Variants in PBX1 observed in about 807,000 individuals in gnomAD.
PBX1 encodes pre-B-cell leukemia transcription factor 1.
PBX1 carries 6 observed loss-of-function variants against 53.4 expected under a neutral mutation model. The ratio of observed to expected loss-of-function variants is 0.11; its 90% CI spans 0.06 to 0.22. The LOEUF is 0.22. PBX1 is among the 10% of genes least tolerant of loss of function. PBX1 has a pLI of 1.00. For synonymous variants in PBX1, 204 were observed against 212.3 expected (o/e 0.96, Z 0.34); for missense variants, 251 against 551.4 (o/e 0.46, Z 5.46).
intron 2 of PBX1, chr1:164,674,854 C>CCCA (rs1661334990): frequency 1.2e-5 from 1 of 83,168 alleles, no homozygotes; most frequent in African/African-American, 3.8e-5. Context: ...ACAGCCCCCC[C>CCCA]CCCCCCCCAC....
intron 2 of PBX1, among the ~76,000 whole-genome samples, chr1:164,786,365 C>G (rs1668174071): frequency 6.6e-6 from 1 of 152,082 alleles, no homozygotes; most frequent in South Asian, 2.1e-4. Context: ...CAGTACGTGC[C>G]CTGGTGCCTC....
chr1:164,852,540 T>C (rs748947064), downstream of PBX1, among the ~76,000 whole-genome samples: 253 of 152,312 alleles, frequency 1.7e-3, 3 homozygotes, highest in Non-Finnish European at 2.7e-3. Flanking sequence ...GGGATGGAAC[T>C]CCTTGTCTGC....
At chr1:164,776,321 G>C (rs2102261895) in intron 2 of PBX1, among the ~76,000 whole-genome samples, 1 of 152,246 alleles carries the variant, frequency 6.6e-6, no homozygotes, top group East Asian at 1.9e-4. Context: ...GGTGTAAAGG[G>C]CATGGCCAGC....
At chr1:164,648,597 A>G (rs1659603033) in intron 2 of PBX1, among the ~76,000 whole-genome samples, 1 of 152,220 alleles carries the variant, frequency 6.6e-6, no homozygotes, top group South Asian at 2.1e-4. Flanking sequence ...CAAAACCTGT[A>G]AATAGTAGAG....
chr1:164,569,616 G>A (rs1653697543), intron 2 of PBX1, among the ~76,000 whole-genome samples: 1 of 121,586 alleles, frequency 8.2e-6, no homozygotes, highest in African/African-American at 3.2e-5. Context: ...CTATCTCCCA[G>A]GTTGGAGTGC....
chr1:164,785,641 C>T (rs1225994505), intron 2 of PBX1, among the ~76,000 whole-genome samples: 2 of 152,218 alleles, frequency 1.3e-5, no homozygotes, highest in Non-Finnish European at 2.9e-5. Flanking sequence ...AAACCATGGG[C>T]TTCTTGAAGT....
At chr1:164,704,371 G>C (rs1308007450) in intron 2 of PBX1, among the ~76,000 whole-genome samples, 1 of 152,186 alleles carries the variant, frequency 6.6e-6, no homozygotes, top group Non-Finnish European at 1.5e-5. Flanking sequence ...TACTGTCTGT[G>C]TTATTGCTCT....
At chr1:164,590,324 T>G in intron 2 of PBX1, 1 of 455,820 alleles carries the variant, frequency 2.2e-6, no homozygotes, top group South Asian at 1.5e-5. Flanking sequence ...CCAGCCTCAT[T>G]AGGAGCTACC....
At chr1:164,652,708 C>G (rs529368813) in intron 2 of PBX1, among the ~76,000 whole-genome samples, 117 of 152,140 alleles carry the variant, frequency 7.7e-4, no homozygotes, top group Admixed American at 2.1e-3. Flanking sequence ...AATTTATATA[C>G]AGCAAAATAG....
At chr1:164,618,278 C>G (rs1333614147) in intron 2 of PBX1, among the ~76,000 whole-genome samples, 3 of 125,796 alleles carry the variant, frequency 2.4e-5, no homozygotes, top group Non-Finnish European at 4.9e-5. Context: ...TTGACTTACC[C>G]CAGGGAGAAT....
chr1:164,604,815 TA>T (rs1211216953), intron 2 of PBX1, among the ~76,000 whole-genome samples: 2 of 152,170 alleles, frequency 1.3e-5, no homozygotes, highest in African/African-American at 4.8e-5. Flanking sequence ...TATCAGTGAC[TA>T]TTTTTTTTTT....
At chr1:164,758,495 T>G (rs1404018993) in intron 2 of PBX1, among the ~76,000 whole-genome samples, 2 of 152,104 alleles carry the variant, frequency 1.3e-5, no homozygotes, top group South Asian at 4.1e-4. Flanking sequence ...CGAGCATCCC[T>G]GCCTAATGGT....
At chr1:164,693,149 G>T (rs1402697839) in intron 2 of PBX1, among the ~76,000 whole-genome samples, 1 of 149,834 alleles carries the variant, frequency 6.7e-6, no homozygotes, top group Non-Finnish European at 1.5e-5. Flanking sequence ...TAACACAGCA[G>T]ATTTAAACTA....
At position 164,650,440 on chromosome 1, in the gene PBX1, G is replaced by T. The variant is rs915468299; in HGVS notation, c.265+87129G>T. On this transcript the variant is annotated intron_variant, in intron 2 of 8. Transcript: ENST00000420696. ...GACAGGGTTTGACCATATTGGCCAG[G>T]TTGGTCTTGGACTCCTGACAAGTGA... Among the ~76,000 whole-genome samples, 3 of 152,052 alleles carry T rather than the reference G, an allele frequency of 2.0e-5. No homozygotes were observed. The East Asian group carries it at 5.8e-4, about 29-fold the overall frequency.
chr1:164,648,965 G>C (rs1659624310), intron 2 of PBX1, among the ~76,000 whole-genome samples: 1 of 152,176 alleles, frequency 6.6e-6, no homozygotes, highest in African/African-American at 2.4e-5. Flanking sequence ...GATACCTTTG[G>C]TATCACAGTT....
chr1:164,668,440 A>AC (rs1660934057), intron 2 of PBX1, among the ~76,000 whole-genome samples: 1 of 148,112 alleles, frequency 6.8e-6, no homozygotes, highest in Admixed American at 6.7e-5. Context: ...TCCTCCACCC[A>AC]CCCCACCTCC....
intron 2 of PBX1, among the ~76,000 whole-genome samples, chr1:164,605,757 G>A (rs1014563619): frequency 6.6e-6 from 1 of 152,150 alleles, no homozygotes; most frequent in East Asian, 1.9e-4. Flanking sequence ...TATTTAGCTG[G>A]TTTAAATAAA....
At chr1:164,763,739 C>T (rs997944846) in intron 2 of PBX1, among the ~76,000 whole-genome samples, 16 of 152,202 alleles carry the variant, frequency 1.1e-4, no homozygotes, top group African/African-American at 3.9e-4. Flanking sequence ...TAATTGTACA[C>T]ATTTGCAGCA....
At chr1:164,615,693 T>C (rs1657233367) in intron 2 of PBX1, among the ~76,000 whole-genome samples, 3 of 152,214 alleles carry the variant, frequency 2.0e-5, no homozygotes, top group Admixed American at 2.0e-4. Flanking sequence ...CTGACTTTTG[T>C]GTGGTTTTTG....
Sources: gnomAD v4.1 joint callset for allele counts (sites outside exome capture counted in the v4.1 genomes callset) on GRCh38, gnomAD v4.1.1 for gene constraint, MANE v1.5 for transcripts, NCBI Gene and HGNC (gene_info 2026-07-23, HGNC 2026-07-21) for gene names.